LDHAL6A: variants seen among roughly 807,000 people sequenced by gnomAD.
The protein encoded by LDHAL6A is lactate dehydrogenase A like 6A, also known as L-lactate dehydrogenase A-like 6A.
A neutral mutation model predicts 28.2 loss-of-function variants in LDHAL6A; 19 were observed. The ratio of observed to expected loss-of-function variants is 0.67; its 90% CI spans 0.47 to 0.99. LDHAL6A has a LOEUF of 0.99. Ranked by LOEUF, LDHAL6A falls within the 50% of genes least tolerant of loss-of-function variation. The probability of loss-of-function intolerance (pLI) is 0.00; values close to 1 mark genes in which losing one functional copy is unlikely to be tolerated. For synonymous variants in LDHAL6A, 144 were observed against 134.4 expected, an observed-to-expected ratio of 1.07 and a Z score of -0.49; for missense variants, 372 against 398.6, an observed-to-expected ratio of 0.93 and a Z score of 0.57.
At chr11:18,464,548 C>G (rs755245174) in intron 2 of LDHAL6A, among the ~76,000 whole-genome samples, 3 of 152,070 alleles carry the variant, frequency 2.0e-5, no homozygotes, top group Non-Finnish European at 4.4e-5. Context: ...AACCCTGTCT[C>G]TATTAAAAAC....
At position 18,456,687 on chromosome 11, in the gene LDHAL6A, A is replaced by G. The variant is rs747743111; in HGVS notation, c.7A>G (p.Thr3Ala). 4.3e-6 allele frequency: 7 copies of G among 1,613,782 alleles called. No homozygotes were observed. Among genetic ancestry groups the G allele is most frequent in the Non-Finnish European group, 5.9e-6 (7 of 1,179,876 alleles). The stretch of plus-strand genomic sequence containing the variant: ...TCACTGTTAGGTTTCCAAGATGGCA[A>G]CTATCAAGAGTGAACTTATTAAGAA... MA[T>A]IKSELIKNFA... The change falls in exon 1 of 7, where the codon ACT (threonine) becomes GCT (alanine). Residue 3 changes from threonine to alanine, a missense_variant. Around this residue, in one of 3 missense-constraint regions of LDHAL6A, gnomAD observed 77 missense variants for 77.9 expected, o/e 0.99. Coordinates refer to ENST00000280706, the MANE Select transcript of LDHAL6A (RefSeq NM_144972.5).
Position 18,467,906 on chromosome 11 carries a change from T to C in LDHAL6A, c.418+2096T>C, listed in dbSNP as rs190216859. The stretch of plus-strand genomic sequence containing the variant: ...ATATATATATATATATATATATATA[T>C]ATATATATATATACACACACATATA... On this transcript the variant is annotated intron_variant, in intron 3 of 6. Coordinates refer to ENST00000280706, the MANE Select transcript of LDHAL6A (RefSeq NM_144972.5). Among the ~76,000 whole-genome samples, 20 of 71,420 alleles carry C rather than the reference T, an allele frequency of 2.8e-4. 3 individuals are homozygous for C. The highest frequency in any genetic ancestry group is 7.6e-4 in the East Asian group (1 of 1,320). The allele number at this position is 71,420 out of a possible 152,430, so 46.9% of individuals were successfully genotyped here.
chr11:18,469,558 A>G (rs1347544655), intron 3 of LDHAL6A, among the ~76,000 whole-genome samples: 1 of 152,232 alleles, frequency 6.6e-6, no homozygotes, highest in Non-Finnish European at 1.5e-5. Context: ...TGCCATTAAC[A>G]GCAGTAAAAA....
At chr11:18,475,901 T>A (rs1265947539) in intron 4 of LDHAL6A, among the ~76,000 whole-genome samples, 1 of 152,148 alleles carries the variant, frequency 6.6e-6, no homozygotes, top group Non-Finnish European at 1.5e-5. Context: ...CTAAGTAACA[T>A]GATATAGTTT....
At chr11:18,466,097 T>C (rs1238754386) in intron 3 of LDHAL6A, among the ~76,000 whole-genome samples, 1 of 152,218 alleles carries the variant, frequency 6.6e-6, no homozygotes, top group Non-Finnish European at 1.5e-5. Context: ...CTGCATTAAT[T>C]AGCTTGGAAT....
intron 3 of LDHAL6A, among the ~76,000 whole-genome samples, chr11:18,469,798 T>C (rs1479839482): frequency 6.6e-6 from 1 of 152,120 alleles, no homozygotes; most frequent in East Asian, 1.9e-4. Context: ...GCTTCAAAAG[T>C]TAAGAGAAAC....
At chr11:18,476,268 C>A (rs560432248) in intron 4 of LDHAL6A, 116 bp from the exon 5 acceptor site, 4 of 1,184,968 alleles carry the variant, frequency 3.4e-6, no homozygotes, top group Non-Finnish European at 3.5e-6. Context: ...GCTCAGATAT[C>A]GGAACATTCC....
intron 2 of LDHAL6A, among the ~76,000 whole-genome samples, chr11:18,464,987 G>GTTTTTTTTTTTTTTTT (rs1449560278): frequency 3.8e-5 from 4 of 104,348 alleles, no homozygotes; most frequent in African/African-American, 1.6e-4. Context: ...GTTTTTTTTT[G>GTTTTTTTTTTTTTTTT]TTTTGTTTTG....
At chr11:18,464,980 T>TTTTTG (rs1565068703) in intron 2 of LDHAL6A, among the ~76,000 whole-genome samples, 31 of 135,948 alleles carry the variant, frequency 2.3e-4, no homozygotes, top group East Asian at 1.2e-3. Flanking sequence ...TTTTTTTGTT[T>TTTTTG]TTTTTTGTTT....
At chr11:18,458,433 C>T (rs1176078385) in intron 1 of LDHAL6A, among the ~76,000 whole-genome samples, 1 of 152,218 alleles carries the variant, frequency 6.6e-6, no homozygotes, top group Non-Finnish European at 1.5e-5. Context: ...AGGTATGAAG[C>T]AGAGCCTTCC....
intron 1 of LDHAL6A, among the ~76,000 whole-genome samples, chr11:18,462,172 C>G (rs1565066795): frequency 6.6e-6 from 1 of 151,978 alleles, no homozygotes; most frequent in Non-Finnish European, 1.5e-5. Flanking sequence ...GCCCCTGTCT[C>G]AGAAACAAAA....
intron 1 of LDHAL6A, among the ~76,000 whole-genome samples, chr11:18,461,851 CA>C (rs1181963432): frequency 1.0e-5 from 1 of 98,154 alleles, no homozygotes; most frequent in African/African-American, 4.5e-5. Flanking sequence ...GATTCCGTCT[CA>C]AAAAAAAGAA....
intron 2 of LDHAL6A, among the ~76,000 whole-genome samples, chr11:18,464,839 G>A (rs574104626): frequency 2.0e-5 from 3 of 151,916 alleles, no homozygotes; most frequent in Non-Finnish European, 2.9e-5. Context: ...TTGAACAAAC[G>A]AATGAACCAA....
chr11:18,477,561 A>G, intron 5 of LDHAL6A, 59 bp from the exon 6 acceptor site: 11 of 1,491,676 alleles, frequency 7.4e-6, no homozygotes, highest in Non-Finnish European at 9.0e-6. Context: ...ATTGCTACAA[A>G]GTGGAAGTTC....
At chr11:18,469,181 C>A (rs1200026432) in intron 3 of LDHAL6A, 1 of 641,062 alleles carries the variant, frequency 1.6e-6, no homozygotes, top group Non-Finnish European at 2.8e-6. Flanking sequence ...TGGTGGAGCT[C>A]CTTCATTAAT....
intron 2 of LDHAL6A, among the ~76,000 whole-genome samples, chr11:18,464,897 T>TTCTTGC (rs1245246058): frequency 6.6e-6 from 1 of 152,084 alleles, no homozygotes; most frequent in Non-Finnish European, 1.5e-5. Flanking sequence ...TCTCTAAATA[T>TTCTTGC]TCTTGCCAGA....
At chr11:18,465,194 G>GTGA (rs1292381391) in intron 2 of LDHAL6A, among the ~76,000 whole-genome samples, 3 of 151,832 alleles carry the variant, frequency 2.0e-5, no homozygotes, top group African/African-American at 4.8e-5. Context: ...GTGTCGTGGT[G>GTGA]TGATCTTGGC....
rs3839960 is a variant in LDHAL6A, at chr11:18,456,565, C to CA, written c.-116_-115insA. The CA allele has an allele frequency of 1.7e-3, 1,453 of 863,298 alleles. 12 individuals are homozygous for CA. The highest frequency in any genetic ancestry group is 2.1e-3 in the Non-Finnish European group (1,168 of 548,784). 53.5% of individuals were successfully genotyped at this position (863,298 alleles called of 1,614,324 possible). A position where few individuals can be genotyped will look rare whatever the true frequency, so the allele number is the denominator to read the frequency against. On this transcript the variant is annotated 5_prime_UTR_variant, in exon 1 of 7. An upstream open reading frame in the 5' UTR loses its in-frame stop. Coordinates refer to ENST00000280706, the MANE Select transcript of LDHAL6A (RefSeq NM_144972.5). The stretch of plus-strand genomic sequence containing the variant: ...TGTGTCTGCAGCACCTCCTTCCACA[C>CA]GGGCCCAGGAGTTCTCTATACGCGC...
rs370892930 is a variant in LDHAL6A, at chr11:18,461,801, C to T, written c.127-2160C>T. ...CGGGAAGGTGTGGGTTGCAGTGAGC[C>T]GAGATAGTGCCACTGCACTCCAGCC... On this transcript the variant is annotated intron_variant, in intron 1 of 6. Coordinates refer to ENST00000280706, the MANE Select transcript of LDHAL6A (RefSeq NM_144972.5). Among the ~76,000 whole-genome samples the T allele has an allele frequency of 6.1e-5, 9 of 148,534 alleles. No homozygotes were observed. In the East Asian group the frequency reaches 1.2e-3, roughly 20 times the overall value.
Sources: gnomAD v4.1 joint callset for allele counts (sites outside exome capture counted in the v4.1 genomes callset) on GRCh38, gnomAD v4.1.1 for gene constraint, gnomAD v4.1.1 regional missense constraint, MANE v1.5 for transcripts, NCBI Gene and HGNC (gene_info 2026-07-23, HGNC 2026-07-21) for gene names.